The following MOXD1 variants were observed in gnomAD, a reference collection of about 807,000 sequenced individuals.
MOXD1 encodes the protein DBH-like monooxygenase protein 1.
A neutral mutation model predicts 66.6 loss-of-function variants in MOXD1; 62 were observed. That is an observed-to-expected ratio of 0.93 (90% CI 0.76 to 1.15). MOXD1 has a LOEUF of 1.15. Among genes scored for constraint, MOXD1 ranks in the 50% most tolerant of loss-of-function variants. The probability of loss-of-function intolerance (pLI) is 0.00; values close to 1 mark genes in which losing one functional copy is unlikely to be tolerated. For synonymous variants in MOXD1, 303 were observed against 281.9 expected, an observed-to-expected ratio of 1.07 and a Z score of -0.75; for missense variants, 847 against 754.6, an observed-to-expected ratio of 1.12 and a Z score of -1.44.
intron 10 of MOXD1, among the ~76,000 whole-genome samples, chr6:132,303,903 C>A (rs1405138715): frequency 8.4e-6 from 1 of 118,750 alleles, no homozygotes; most frequent in East Asian, 2.8e-4. Flanking sequence ...AACCTTAGGA[C>A]AATTCTCTGG....
chr6:132,297,421 G>A, intron 11 of MOXD1, 104 bp from the exon 12 acceptor site: 1 of 1,232,434 alleles, frequency 8.1e-7, no homozygotes. Context: ...AAAGGGGGCA[G>A]GAGTGGTTAC....
At chr6:132,342,209 C>G (rs1333617944) in intron 4 of MOXD1, among the ~76,000 whole-genome samples, 2 of 152,160 alleles carry the variant, frequency 1.3e-5, no homozygotes, top group South Asian at 4.1e-4. Flanking sequence ...ACCATGTTGG[C>G]CAGGCTGGTC....
At chr6:132,358,700 T>C (rs1348843870) in intron 4 of MOXD1, among the ~76,000 whole-genome samples, 1 of 152,148 alleles carries the variant, frequency 6.6e-6, no homozygotes, top group Non-Finnish European at 1.5e-5. Flanking sequence ...AATTTTACAT[T>C]GAAGGTATGA....
chr6:132,371,550 G>A (rs1318316163), intron 4 of MOXD1, among the ~76,000 whole-genome samples: 5 of 152,056 alleles, frequency 3.3e-5, no homozygotes, highest in Non-Finnish European at 7.4e-5. Context: ...TTTTAGCCAC[G>A]AATAAACTTA....
chr6:132,305,898 A>T (rs1193757657), intron 10 of MOXD1, among the ~76,000 whole-genome samples: 2 of 152,196 alleles, frequency 1.3e-5, no homozygotes, highest in Non-Finnish European at 2.9e-5. Context: ...AAACTCATGA[A>T]GATGAGAAAG....
At chr6:132,349,584 C>T (rs988637450) in intron 4 of MOXD1, among the ~76,000 whole-genome samples, 1 of 150,430 alleles carries the variant, frequency 6.6e-6, no homozygotes, top group Non-Finnish European at 1.5e-5. Context: ...TATAAACATT[C>T]GTGGGCAAGT....
In MOXD1 at chr6:132,321,416, G is replaced by A. The variant is rs538158932; in HGVS notation, c.1306-728C>T. Among the ~76,000 whole-genome samples the A allele has an allele frequency of 1.6e-4, 25 of 152,242 alleles. No homozygotes were observed. In the South Asian group the frequency reaches 1.9e-3, roughly 11 times the overall value. On this transcript the variant is annotated intron_variant, in intron 8 of 11. Coordinates refer to ENST00000367963, the MANE Select transcript of MOXD1 (RefSeq NM_015529.4). ...CTTCATTTACATTATTTTCTTTAAA[G>A]GTCTCTAGTCATGCCTTTATTTCCT...
At chr6:132,353,348 C>T (rs1456405452) in intron 4 of MOXD1, among the ~76,000 whole-genome samples, 1 of 152,062 alleles carries the variant, frequency 6.6e-6, no homozygotes, top group African/African-American at 2.4e-5. Context: ...TCTTGTGGTG[C>T]TTCCTTAATA....
chr6:132,333,280 G>A (rs1775363873), intron 4 of MOXD1, among the ~76,000 whole-genome samples: 1 of 147,640 alleles, frequency 6.8e-6, no homozygotes, highest in Admixed American at 6.9e-5. Flanking sequence ...AGCTGGCAGT[G>A]AGCTGAGATC....
At chr6:132,365,580 C>T (rs953907986) in intron 4 of MOXD1, among the ~76,000 whole-genome samples, 15 of 152,294 alleles carry the variant, frequency 9.8e-5, no homozygotes, top group African/African-American at 2.6e-4. Flanking sequence ...AGTACTTTCT[C>T]TAGGGTCAGA....
In MOXD1 at chr6:132,393,145, G is replaced by A. The variant is rs553579378; in HGVS notation, c.264+8018C>T. The stretch of plus-strand genomic sequence containing the variant: ...CAACTGCTTCCAACTCCTTGTGAGT[G>A]GAGTGAGTGTGTGTGTGTGTGTGTC... On this transcript the variant is annotated intron_variant, in intron 1 of 11. Coordinates refer to ENST00000367963, the MANE Select transcript of MOXD1 (RefSeq NM_015529.4). Among the ~76,000 whole-genome samples the A allele has an allele frequency of 1.4e-4, 18 of 131,436 alleles. No individual in the cohort carries two copies. In the South Asian group the frequency reaches 3.7e-3, roughly 27 times the overall value. The allele number at this position is 131,436 out of a possible 152,430, so 86.2% of individuals were successfully genotyped here. A position where few individuals can be genotyped will look rare whatever the true frequency, so the allele number is the denominator to read the frequency against.
rs769805888 is a variant in MOXD1, at chr6:132,297,285, T to C, written c.1710A>G (p.Ile570Met). 2 of 1,613,356 alleles carry C rather than the reference T, an allele frequency of 1.2e-6. No individual in the cohort carries two copies. The highest frequency in any genetic ancestry group is 1.1e-5 in the South Asian group (1 of 91,020). ...IQGMTALPPD[I>M]ERPYKAEPLV... is the part of the protein sequence containing the mutation. Reference sequence around the variant, plus strand: ...AAGGTTCTGCTTTATAGGGTCTTTCTATATCTGGAGGTAATGCTGTCATTC... The same window carrying C: ...AAGGTTCTGCTTTATAGGGTCTTTCCATATCTGGAGGTAATGCTGTCATTC... Residue 570 changes from isoleucine (I) to methionine (M), a missense_variant, in exon 12 of 12, where the codon ATA becomes ATG. Physicochemically the swap from Ile to Met is conservative, Grantham distance 10. Transcript: ENST00000367963.
chr6:132,303,026 A>G (rs1035380333), intron 10 of MOXD1, among the ~76,000 whole-genome samples: 2 of 152,176 alleles, frequency 1.3e-5, no homozygotes, highest in Non-Finnish European at 2.9e-5. Flanking sequence ...ACCTTACACT[A>G]CACACAAAAA....
At chr6:132,397,668 AAGAAAGAAAG>A (rs1776921845) in intron 1 of MOXD1, among the ~76,000 whole-genome samples, 1 of 141,118 alleles carries the variant, frequency 7.1e-6, no homozygotes, top group Admixed American at 7.0e-5. Context: ...GAAAGAAAGA[AAGAAAGAAAG>A]AAAGAAAGAA....
chr6:132,303,831 GTGTGTATATATATA>G (rs1562276368), intron 10 of MOXD1, among the ~76,000 whole-genome samples: 115 of 66,708 alleles, frequency 1.7e-3, no homozygotes, highest in African/African-American at 5.2e-3. Flanking sequence ...GTGTGTGTGT[GTGTGTATATATATA>G]TATATATATA....
At chr6:132,400,251 T>G (rs1210922096) in intron 1 of MOXD1, among the ~76,000 whole-genome samples, 5 of 152,196 alleles carry the variant, frequency 3.3e-5, no homozygotes, top group Non-Finnish European at 7.3e-5. Flanking sequence ...GGAGTTTTCA[T>G]CTGGATCAAG....
intron 1 of MOXD1, chr6:132,390,463 C>A (rs550958982): frequency 1.3e-5 from 2 of 151,522 alleles, no homozygotes; most frequent in Non-Finnish European, 3.0e-5. Flanking sequence ...CAGCACTTAG[C>A]ACTTAGTACT....
intron 6 of MOXD1, among the ~76,000 whole-genome samples, chr6:132,324,331 G>A (rs2114575549): frequency 6.6e-6 from 1 of 152,216 alleles, no homozygotes; most frequent in Non-Finnish European, 1.5e-5. Flanking sequence ...CAACCTTTGT[G>A]GACTCACACA....
chr6:132,376,373 T>C (rs1196911198), intron 1 of MOXD1, among the ~76,000 whole-genome samples: 3 of 152,224 alleles, frequency 2.0e-5, no homozygotes, highest in Non-Finnish European at 2.9e-5. Flanking sequence ...ATGGTAATTA[T>C]AAGTGTGCAT....
Sources: allele counts gnomAD v4.1 joint callset (sites outside exome capture counted in the v4.1 genomes callset), GRCh38; gene constraint gnomAD v4.1.1; transcripts MANE v1.5; gene names NCBI Gene and HGNC (gene_info 2026-07-23, HGNC 2026-07-21).